Variants in PPP1R3F observed in about 807,000 individuals in gnomAD.
The protein encoded by PPP1R3F is protein phosphatase 1 regulatory subunit 3F, also known as protein phosphatase 1, regulatory (inhibitor) subunit 3F.
In PPP1R3F, 29 loss-of-function variants were observed where a neutral mutation model predicts 24.2. The ratio of observed to expected loss-of-function variants is 1.20; its 90% CI spans 0.89 to 1.63. The LOEUF (loss-of-function observed/expected upper bound fraction) is 1.63. Among genes scored for constraint, PPP1R3F ranks in the 40% most tolerant of loss-of-function variants. The probability of loss-of-function intolerance (pLI) is 0.00; values close to 1 mark genes in which losing one functional copy is unlikely to be tolerated. For missense variants in PPP1R3F, 823 were observed against 729.3 expected (o/e 1.13, Z -1.48); for synonymous variants, 363 against 340.1 (o/e 1.07, Z -0.74).
chrX:49,277,527 A>G (rs1360007912), intron 1 of PPP1R3F, among the ~76,000 whole-genome samples: 1 of 112,497 alleles, frequency 8.9e-6, no homozygotes, highest in African/African-American at 3.2e-5. Context: ...GGCATACTGC[A>G]GGTACAGTTT....
rs1008098076 is a variant in PPP1R3F, at chrX:49,270,613, C to G, written c.744C>G (p.Pro248=). The change falls in exon 1 of 4, where the codon CCC becomes CCG. Residue 248 remains proline, a synonymous_variant. Coordinates refer to ENST00000055335, the MANE Select transcript of PPP1R3F (RefSeq NM_033215.5). ...CCGACCGCTTTGCCTTCCAGCTGCC[C>G]TTTGCTGAGGGCGCGGGCGATGGGG... ...GRTDRFAFQL[P]FAEGAGDGAR... 4 of 1,205,307 alleles carry G rather than the reference C, an allele frequency of 3.3e-6. No individual in the cohort carries two copies. The highest frequency in any genetic ancestry group is 1.8e-5 in the South Asian group (1 of 56,657).
Position 49,286,966 on chromosome X carries a change from T to C in PPP1R3F, c.2276T>C (p.Leu759Pro). Residue 759 changes from leucine to proline, a missense_variant, in exon 4 of 4, where the codon CTC (leucine) becomes CCC (proline). Physicochemically the swap from Leu to Pro is moderately conservative, Grantham distance 98. Transcript: ENST00000055335. ...AECVCALPPQ[L>P]RGPLTQTLGV... is the part of the protein sequence containing the mutation. ...TGTGTGTGTGCACTGCCTCCTCAGC[T>C]CCGGGGGCCCTTGACCCAGACTCTG... 2.5e-6 allele frequency: 3 copies of C among 1,211,253 alleles called. No individual in the cohort carries two copies. The highest frequency in any genetic ancestry group is 3.4e-6 in the Non-Finnish European group (3 of 895,213).
downstream of PPP1R3F, among the ~76,000 whole-genome samples, chrX:49,290,704 G>A (rs1436987851): frequency 9.0e-6 from 1 of 111,685 alleles, no homozygotes; most frequent in African/African-American, 3.3e-5. Context: ...ACACAGTTTG[G>A]GACTAAATTG....
At chrX:49,288,098 C>CA (rs1442140340), downstream of PPP1R3F, 2 of 112,193 alleles carry the variant, frequency 1.8e-5, no homozygotes, top group African/African-American at 6.5e-5. Flanking sequence ...AAATAAAACA[C>CA]CACATATTTA....
At position 49,286,778 on chromosome X, in the gene PPP1R3F, C is replaced by T. The variant is rs1019620797; in HGVS notation, c.2088C>T (p.Pro696=). 5.8e-6 allele frequency: 7 copies of T among 1,200,714 alleles called. No individual in the cohort carries two copies. The African/African-American group carries it at 7.0e-5, about 12-fold the overall frequency. Residue 696 remains proline (P), a synonymous_variant, in exon 4 of 4, where the codon CCC becomes CCT. Coordinates refer to ENST00000055335, the MANE Select transcript of PPP1R3F (RefSeq NM_033215.5). Reference sequence around the variant, plus strand: ...TATCTGGCAAGGAGCCAGCCTCTCCCGTCCTTCTGCAGGGGCAAAATCCCA... The same window carrying T: ...TATCTGGCAAGGAGCCAGCCTCTCCTGTCCTTCTGCAGGGGCAAAATCCCA... The part of the protein sequence containing the change: ...DPISGKEPAS[P]VLLQGQNPTL...
chrX:49,270,952 C>T (rs1399356396), intron 1 of PPP1R3F, 79 bp downstream of exon 1: 10 of 987,063 alleles, frequency 1.0e-5, no homozygotes, highest in African/African-American at 9.6e-5. Flanking sequence ...CCAGGAACCC[C>T]TCAGGCCTGC....
At chrX:49,291,271 G>A (rs1169019208), downstream of PPP1R3F, among the ~76,000 whole-genome samples, 1 of 75,665 alleles carries the variant, frequency 1.3e-5, no homozygotes, top group African/African-American at 4.3e-5. Context: ...ACAGGCATGA[G>A]CACGTCCAGC....
At chrX:49,292,430 G>A (rs1440980868), downstream of PPP1R3F, among the ~76,000 whole-genome samples, 2 of 113,158 alleles carry the variant, frequency 1.8e-5, no homozygotes, top group East Asian at 5.6e-4. Context: ...CCCAGGGCAG[G>A]TCAGGCTATA....
chrX:49,285,216 T>A (rs2060928941), intron 3 of PPP1R3F, among the ~76,000 whole-genome samples: 2 of 110,353 alleles, frequency 1.8e-5, no homozygotes, highest in Non-Finnish European at 3.8e-5. Flanking sequence ...CTCTTTATTT[T>A]TTTTTTTTTG....
intron 3 of PPP1R3F, among the ~76,000 whole-genome samples, chrX:49,298,214 G>A (rs1216520775): frequency 1.8e-5 from 2 of 112,049 alleles, no homozygotes; most frequent in African/African-American, 3.2e-5. Flanking sequence ...GCCTGGTGGC[G>A]AGAAAATCTC....
chrX:49,299,045 T>G (rs781964407), intron 3 of PPP1R3F, among the ~76,000 whole-genome samples: 1 of 111,137 alleles, frequency 9.0e-6, no homozygotes, highest in Non-Finnish European at 1.9e-5. Context: ...TTTTATTTCC[T>G]TGCTGGCAAG....
downstream of PPP1R3F, among the ~76,000 whole-genome samples, chrX:49,289,523 C>CA (rs782440829): frequency 2.8e-4 from 31 of 110,108 alleles, no homozygotes; most frequent in South Asian, 2.3e-3. Context: ...CACAAAAAGC[C>CA]AAAAAAAAGC....
chrX:49,288,398 C>T (rs1156669341), downstream of PPP1R3F, among the ~76,000 whole-genome samples: 1 of 112,547 alleles, frequency 8.9e-6, no homozygotes, highest in African/African-American at 3.2e-5. Flanking sequence ...TCCTCACTGG[C>T]CACTGTGCAA....
chrX:49,278,735 C>T (rs1438474691), intron 1 of PPP1R3F, among the ~76,000 whole-genome samples: 2 of 112,512 alleles, frequency 1.8e-5, no homozygotes, highest in Non-Finnish European at 3.8e-5. Flanking sequence ...CTAGTGGCCT[C>T]CTAGCCACGC....
chrX:49,276,127 G>A (rs1275776953), intron 1 of PPP1R3F, among the ~76,000 whole-genome samples: 2 of 112,527 alleles, frequency 1.8e-5, no homozygotes, highest in African/African-American at 3.2e-5. Flanking sequence ...GCAGAGCTGG[G>A]ATCTGAGCCT....
rs1005365847 is a variant in PPP1R3F, at chrX:49,281,323, G to C, written c.1005-83G>C. On this transcript the variant is annotated intron_variant, in intron 1 of 3. Transcript: ENST00000055335. ...TGTCAGGTGAAGGTGGGCTAGCACAGAGGCTCAGAAGGTGCCAGTGGGTGG... is the reference window on the plus strand; with the variant it reads ...TGTCAGGTGAAGGTGGGCTAGCACACAGGCTCAGAAGGTGCCAGTGGGTGG... The C allele has an allele frequency of 5.1e-5, 36 of 702,559 alleles. No individual in the cohort carries two copies. In the East Asian group the frequency reaches 1.2e-3, roughly 24 times the overall value. 57.9% of individuals were successfully genotyped at this position (702,559 alleles called of 1,213,427 possible).
In PPP1R3F at chrX:49,287,306, G is replaced by C. The variant is rs947962976; in HGVS notation, c.*216G>C. 2 of 404,410 alleles carry C rather than the reference G, an allele frequency of 4.9e-6. No individual in the cohort carries two copies. Among genetic ancestry groups the C allele is most frequent in the African/African-American group, 2.5e-5 (1 of 39,594 alleles). 33.3% of individuals were successfully genotyped at this position (404,410 alleles called of 1,213,427 possible). ...AGGGGAACTTTTAGAGTGGAACTGG[G>C]CATGTCCTCCGCCTACCCCCCGAGC... On this transcript the variant is annotated 3_prime_UTR_variant, in exon 4 of 4. Coordinates refer to ENST00000055335, the MANE Select transcript of PPP1R3F (RefSeq NM_033215.5).
intron 1 of PPP1R3F, among the ~76,000 whole-genome samples, chrX:49,272,683 G>A (rs1371429947): frequency 1.8e-5 from 2 of 112,814 alleles, no homozygotes; most frequent in African/African-American, 6.4e-5. Context: ...CATGGGCAAG[G>A]TAACTGAAGC....
rs781791787 is a variant in PPP1R3F, at chrX:49,270,652, C to T, written c.783C>T (p.Phe261=). The change falls in exon 1 of 4, where the codon TTC becomes TTT. Residue 261 remains phenylalanine, a synonymous_variant. Transcript: ENST00000055335. ...CGGGCGATGGGGCGCGCCTCGACTT[C>T]GTGGTGCGCTATGAGACCCCTGAGG... ...EGAGDGARLD[F]VVRYETPEGT... The T allele has an allele frequency of 1.7e-6, 2 of 1,209,009 alleles. No homozygotes were observed. Among genetic ancestry groups the T allele is most frequent in the East Asian group, 3.0e-5 (1 of 33,778 alleles).
Sources: gnomAD v4.1 joint callset for allele counts (sites outside exome capture counted in the v4.1 genomes callset) on GRCh38, gnomAD v4.1.1 for gene constraint, MANE v1.5 for transcripts, NCBI Gene and HGNC (gene_info 2026-07-23, HGNC 2026-07-21) for gene names.